The following SCTR variants were observed in gnomAD, a reference collection of about 807,000 sequenced individuals.
SCTR encodes the protein secretin receptor.
A neutral mutation model predicts 60.8 loss-of-function variants in SCTR; 56 were observed. The ratio of observed to expected loss-of-function variants is 0.92; its 90% CI spans 0.74 to 1.15. The LOEUF (loss-of-function observed/expected upper bound fraction) is 1.15. Ranked by LOEUF, SCTR falls within the 50% of genes most tolerant of loss-of-function variation. The pLI, the probability that SCTR is intolerant of heterozygous loss-of-function variation, is 0.00. For synonymous variants in SCTR, 202 were observed against 217.0 expected (o/e 0.93, Z 0.61); for missense variants, 562 against 550.4 (o/e 1.02, Z -0.21).
chr2:119,453,409 CA>C, intron 7 of SCTR, 62 bp from the exon 8 acceptor site: 1 of 1,295,490 alleles, frequency 7.7e-7, no homozygotes. Context: ...ACACACATAT[CA>C]GAACAGGACA....
intron 7 of SCTR, among the ~76,000 whole-genome samples, chr2:119,460,774 A>C (rs553780506): frequency 1.3e-5 from 2 of 152,306 alleles, no homozygotes; most frequent in African/African-American, 4.8e-5. Flanking sequence ...TCTCGCTCTC[A>C]TTCTCCCTCT....
chr2:119,524,074 C>T, intron 1 of SCTR, 81 bp downstream of exon 1: 1 of 1,121,928 alleles, frequency 8.9e-7, no homozygotes, highest in East Asian at 2.7e-5. Context: ...CCCTCTCCAC[C>T]TGCATCCTGC....
At chr2:119,470,983 G>A (rs1676984696) in intron 4 of SCTR, among the ~76,000 whole-genome samples, 1 of 152,234 alleles carries the variant, frequency 6.6e-6, no homozygotes, top group Admixed American at 6.5e-5. Context: ...TTACAGGCAT[G>A]AGCCACTGTG....
At chr2:119,480,046 A>G (rs1677530887) in intron 2 of SCTR, among the ~76,000 whole-genome samples, 1 of 152,202 alleles carries the variant, frequency 6.6e-6, no homozygotes, top group African/African-American at 2.4e-5. Context: ...AGCAATGCAA[A>G]TGATTCTCGT....
chr2:119,476,428 G>A (rs941653438), intron 3 of SCTR: 2 of 152,266 alleles, frequency 1.3e-5, no homozygotes, highest in East Asian at 1.9e-4. Flanking sequence ...ATGTGGCGGC[G>A]AGAAGAAACT....
chr2:119,502,195 T>A (rs561357175), intron 1 of SCTR, among the ~76,000 whole-genome samples: 1 of 152,102 alleles, frequency 6.6e-6, no homozygotes, highest in African/African-American at 2.4e-5. Flanking sequence ...GAGGCTGCAG[T>A]GAACAGAGAT....
At chr2:119,493,641 CTT>C (rs35864019) in intron 2 of SCTR, among the ~76,000 whole-genome samples, 19 of 133,372 alleles carry the variant, frequency 1.4e-4, no homozygotes, top group Admixed American at 2.3e-4. Flanking sequence ...CATTCTTCTT[CTT>C]TTTTTTTTTT....
intron 4 of SCTR, among the ~76,000 whole-genome samples, chr2:119,470,093 A>C (rs1676938650): frequency 6.6e-6 from 1 of 152,146 alleles, no homozygotes; most frequent in Non-Finnish European, 1.5e-5. Flanking sequence ...TTCCAATAAA[A>C]CTTTATTTAC....
At chr2:119,492,392 T>G (rs1678164995) in intron 2 of SCTR, among the ~76,000 whole-genome samples, 1 of 152,190 alleles carries the variant, frequency 6.6e-6, no homozygotes, top group Non-Finnish European at 1.5e-5. Context: ...CACCACCAAG[T>G]GCTAAATAAG....
At position 119,484,317 on chromosome 2, in the gene SCTR, G is replaced by A. The variant is rs545999595; in HGVS notation, c.194-5399C>T. On this transcript the variant is annotated intron_variant, in intron 2 of 12. Transcript: ENST00000019103. The stretch of plus-strand genomic sequence containing the variant: ...TCTGTCGTCTCTGATGGCCACCTCC[G>A]CCACCAATTGTCTGGCTGGAGGGGA... Among the ~76,000 whole-genome samples the A allele has an allele frequency of 2.5e-4, 38 of 152,254 alleles. No homozygotes were observed. The East Asian group carries it at 5.2e-3, about 21-fold the overall frequency.
intron 7 of SCTR, among the ~76,000 whole-genome samples, chr2:119,455,155 C>T (rs184045451): frequency 6.6e-6 from 1 of 152,272 alleles, no homozygotes; most frequent in Admixed American, 6.5e-5. Context: ...ACTGAATGGG[C>T]TTCTACCCCT....
intron 11 of SCTR, 121 bp from the exon 12 acceptor site, chr2:119,441,720 T>A: frequency 1.2e-6 from 1 of 832,328 alleles, no homozygotes; most frequent in South Asian, 1.5e-5. Context: ...TTTCCCCACC[T>A]CTCTTGCCTC....
At chr2:119,484,661 T>G (rs1209039465) in intron 2 of SCTR, 3 of 120,136 alleles carry the variant, frequency 2.5e-5, no homozygotes, top group Admixed American at 9.3e-5. Flanking sequence ...TTTTTTCTTC[T>G]CCTGTTTTTT....
intron 1 of SCTR, among the ~76,000 whole-genome samples, chr2:119,497,569 A>T (rs1678398472): frequency 6.6e-6 from 1 of 152,184 alleles, no homozygotes; most frequent in South Asian, 2.1e-4. Flanking sequence ...CAAATGTAGA[A>T]ATACAAACAT....
rs1461039633 is a variant in SCTR at position 119,444,243 on chromosome 2, A to G, written c.1140+2516T>C. 2.1e-5 allele frequency among the ~76,000 whole-genome samples: 3 copies of G among 145,402 alleles called. 1 individual carries two copies. The highest frequency in any genetic ancestry group is 1.4e-4 in the Admixed American group (2 of 14,504). On this transcript the variant is annotated intron_variant, in intron 11 of 12. Coordinates refer to ENST00000019103, the MANE Select transcript of SCTR (RefSeq NM_002980.3). ...TATATACACATATACATATGAATAT[A>G]TACACATATACATATGAATATATAC... is the stretch of plus-strand genomic sequence containing the variant.
At chr2:119,475,537 G>A (rs1424242620) in intron 3 of SCTR, among the ~76,000 whole-genome samples, 2 of 151,312 alleles carry the variant, frequency 1.3e-5, no homozygotes, top group Non-Finnish European at 2.9e-5. Context: ...TTCCTAATAG[G>A]TAAGGGAAAC....
At chr2:119,499,076 T>C (rs888671569) in intron 1 of SCTR, among the ~76,000 whole-genome samples, 8 of 152,022 alleles carry the variant, frequency 5.3e-5, no homozygotes, top group African/African-American at 1.9e-4. Flanking sequence ...AGTGACTATA[T>C]TAATGTAAGA....
chr2:119,496,466 C>T (rs56019569), intron 1 of SCTR, among the ~76,000 whole-genome samples: 10,263 of 152,216 alleles, frequency 0.067, 1,147 homozygotes, highest in African/African-American at 0.23. Context: ...CAGACTTCTG[C>T]TTCCAGAAAA....
At chr2:119,512,090 A>T (rs1678964472) in intron 1 of SCTR, among the ~76,000 whole-genome samples, 1 of 152,142 alleles carries the variant, frequency 6.6e-6, no homozygotes, top group Admixed American at 6.5e-5. Context: ...TTGATTGGAT[A>T]CTCAGTCAGC....
Sources: gnomAD v4.1 joint callset for allele counts (sites outside exome capture counted in the v4.1 genomes callset) on GRCh38, gnomAD v4.1.1 for gene constraint, MANE v1.5 for transcripts, NCBI Gene and HGNC (gene_info 2026-07-23, HGNC 2026-07-21) for gene names.